IL1RAPL1: variants seen among roughly 807,000 people sequenced by gnomAD.
IL1RAPL1 encodes the protein interleukin-1 receptor accessory protein-like 1.
IL1RAPL1 carries 3 observed loss-of-function variants against 48.4 expected under a neutral mutation model. The observed-to-expected ratio is 0.06, with a 90% CI of 0.03 to 0.16. IL1RAPL1 has a LOEUF of 0.16. IL1RAPL1 is among the 10% of genes least tolerant of loss of function. IL1RAPL1 has a pLI of 1.00. For missense variants in IL1RAPL1, 349 were observed against 530.6 expected (o/e 0.66, Z 3.36); for synonymous variants, 185 against 187.7 (o/e 0.99, Z 0.12).
At chrX:29,029,842 G>A (rs1203152649) in intron 2 of IL1RAPL1, among the ~76,000 whole-genome samples, 1 of 110,313 alleles carries the variant, frequency 9.1e-6, no homozygotes, top group Non-Finnish European at 1.9e-5. Context: ...ATTTTATCTT[G>A]TTATCTTCTA....
At chrX:29,054,717 G>A (rs1003751496) in intron 2 of IL1RAPL1, among the ~76,000 whole-genome samples, 1 of 112,170 alleles carries the variant, frequency 8.9e-6, no homozygotes, top group African/African-American at 3.2e-5. Context: ...TGTCTACATA[G>A]GAACCCAGGG....
At chrX:28,993,134 G>T (rs1005026446) in intron 2 of IL1RAPL1, among the ~76,000 whole-genome samples, 1 of 111,924 alleles carries the variant, frequency 8.9e-6, no homozygotes, top group African/African-American at 3.2e-5. Flanking sequence ...AGGGTATATG[G>T]CAGGATTTCA....
intron 6 of IL1RAPL1, among the ~76,000 whole-genome samples, chrX:29,861,452 A>G (rs1249994691): frequency 8.9e-6 from 1 of 111,826 alleles, no homozygotes; most frequent in Non-Finnish European, 1.9e-5. Context: ...GGCAGAAGCC[A>G]AGTAATGCTT....
At chrX:29,520,396 C>T (rs775199055) in intron 5 of IL1RAPL1, among the ~76,000 whole-genome samples, 16 of 111,941 alleles carry the variant, frequency 1.4e-4, no homozygotes, top group African/African-American at 4.9e-4. Context: ...TCTATCGATG[C>T]TACATATTTT....
chrX:29,444,633 T>C (rs1023945966), intron 5 of IL1RAPL1, among the ~76,000 whole-genome samples: 6 of 111,798 alleles, frequency 5.4e-5, no homozygotes, highest in African/African-American at 1.9e-4. Context: ...CCAGCCAGAC[T>C]TGTGAATTAG....
At chrX:29,259,610 T>C (rs918674514) in intron 2 of IL1RAPL1, among the ~76,000 whole-genome samples, 2 of 110,967 alleles carry the variant, frequency 1.8e-5, no homozygotes, top group African/African-American at 3.3e-5. Context: ...AAAATTTAAT[T>C]GATGCTGGAT....
intron 6 of IL1RAPL1, among the ~76,000 whole-genome samples, chrX:29,716,324 A>C (rs1289059555): frequency 9.0e-6 from 1 of 111,199 alleles, no homozygotes; most frequent in Non-Finnish European, 1.9e-5. Context: ...CATACAATAC[A>C]CACAATAAAA....
At chrX:28,796,370 T>C (rs1936611068) in intron 2 of IL1RAPL1, among the ~76,000 whole-genome samples, 1 of 111,853 alleles carries the variant, frequency 8.9e-6, no homozygotes, top group South Asian at 3.7e-4. Flanking sequence ...GTCCAATGTC[T>C]CATTTGAGAC....
At chrX:29,252,240 A>C (rs56178824) in intron 2 of IL1RAPL1, among the ~76,000 whole-genome samples, 147 of 108,723 alleles carry the variant, frequency 1.4e-3, no homozygotes, top group Non-Finnish European at 2.1e-3. Flanking sequence ...CATTGTGCAC[A>C]TGTACCCTAA....
At chrX:29,459,769 G>A (rs776549068) in intron 5 of IL1RAPL1, among the ~76,000 whole-genome samples, 1 of 111,768 alleles carries the variant, frequency 8.9e-6, no homozygotes, top group Admixed American at 9.5e-5. Flanking sequence ...TTTGTGGTGA[G>A]AACACATAAA....
In IL1RAPL1 at chrX:29,711,919, A is replaced by G. The variant is rs374589577; in HGVS notation, c.778+43415A>G. Among the ~76,000 whole-genome samples the G allele has an allele frequency of 1.1e-4, 12 of 111,496 alleles. No individual in the cohort carries two copies. In the East Asian group the frequency reaches 1.1e-3, roughly 10 times the overall value. ...TGCTAAGCACTGAATCAGTTTTAAG[A>G]TAGTTGTCTTCATTCAGGGAACAAA... On this transcript the variant is annotated intron_variant, in intron 6 of 10. Transcript: ENST00000378993.
intron 3 of IL1RAPL1, among the ~76,000 whole-genome samples, chrX:29,312,367 G>A (rs1210214645): frequency 1.8e-5 from 2 of 111,282 alleles, no homozygotes; most frequent in East Asian, 5.7e-4. Flanking sequence ...AGAGATTGCA[G>A]TCAGCCGAGA....
chrX:29,801,017 A>ACC (rs1206754518), intron 6 of IL1RAPL1, among the ~76,000 whole-genome samples: 9 of 71,324 alleles, frequency 1.3e-4, no homozygotes, highest in Non-Finnish European at 2.3e-4. Flanking sequence ...AAAAAAAAAA[A>ACC]AAAAAAAAAA....
chrX:29,325,281 T>A (rs1311437821), intron 3 of IL1RAPL1, among the ~76,000 whole-genome samples: 10 of 112,306 alleles, frequency 8.9e-5, no homozygotes, highest in Admixed American at 5.7e-4. Context: ...GCACTATATA[T>A]GTTTTTAAAT....
intron 3 of IL1RAPL1, among the ~76,000 whole-genome samples, chrX:29,360,079 T>C (rs771445674): frequency 8.9e-6 from 1 of 111,799 alleles, no homozygotes; most frequent in Non-Finnish European, 1.9e-5. Flanking sequence ...ACCCTTTATT[T>C]TGGTCAATTT....
chrX:29,872,349 G>A (rs958417794), intron 6 of IL1RAPL1, among the ~76,000 whole-genome samples: 3 of 111,973 alleles, frequency 2.7e-5, no homozygotes, highest in Non-Finnish European at 5.6e-5. Context: ...AGGCACATGG[G>A]AGTCAATCCT....
chrX:28,913,590 C>G (rs987109663), intron 2 of IL1RAPL1, among the ~76,000 whole-genome samples: 4 of 111,215 alleles, frequency 3.6e-5, no homozygotes, highest in Non-Finnish European at 7.5e-5. Flanking sequence ...ATTTGGAAGG[C>G]TGAGGCAGAA....
intron 2 of IL1RAPL1, among the ~76,000 whole-genome samples, chrX:28,898,184 T>C (rs1038115500): frequency 1.8e-5 from 2 of 112,100 alleles, no homozygotes; most frequent in Admixed American, 9.4e-5. Flanking sequence ...CCCTTATACA[T>C]ATGATTTGAA....
intron 1 of IL1RAPL1, among the ~76,000 whole-genome samples, chrX:28,686,701 T>C (rs544647970): frequency 8.9e-6 from 1 of 112,326 alleles, no homozygotes; most frequent in Admixed American, 9.5e-5. Context: ...TGTATTTCTA[T>C]CACTTAATTA....
Sources: gnomAD v4.1 joint callset for allele counts (sites outside exome capture counted in the v4.1 genomes callset) on GRCh38, gnomAD v4.1.1 for gene constraint, MANE v1.5 for transcripts, NCBI Gene and HGNC (gene_info 2026-07-23, HGNC 2026-07-21) for gene names.